GPR160: variants seen among roughly 807,000 people sequenced by gnomAD.
The protein encoded by GPR160 is probable G protein-coupled receptor 160.
In GPR160, 2 loss-of-function variants were observed where a neutral mutation model predicts 2.6. The observed-to-expected ratio is 0.77, with a 90% CI of 0.32 to 2.44. GPR160 has a LOEUF of 2.44. GPR160 is among the 30% of genes most tolerant of loss of function. The pLI, the probability that GPR160 is intolerant of heterozygous loss-of-function variation, is 0.11. For missense variants in GPR160, 351 were observed against 383.6 expected, an observed-to-expected ratio of 0.91 and a Z score of 0.71; for synonymous variants, 130 against 132.2, an observed-to-expected ratio of 0.98 and a Z score of 0.12.
At chr3:170,053,759 CCAT>C (rs1711510116) in intron 2 of GPR160, among the ~76,000 whole-genome samples, 1 of 152,120 alleles carries the variant, frequency 6.6e-6, no homozygotes, top group Non-Finnish European at 1.5e-5. Context: ...GTTGAGGAAA[CCAT>C]CAGTTTCCTA....
At chr3:170,048,589 G>T (rs959019085) in intron 2 of GPR160, among the ~76,000 whole-genome samples, 2 of 152,024 alleles carry the variant, frequency 1.3e-5, no homozygotes, top group African/African-American at 4.8e-5. Context: ...ATAAACCTTG[G>T]ATCCCATTTC....
rs1353464934 is a variant in GPR160 at position 170,084,146 on chromosome 3, T to C, written c.174T>C (p.Phe58=). The C allele has an allele frequency of 4.4e-6, 7 of 1,592,528 alleles. No individual in the cohort carries two copies. Among genetic ancestry groups the C allele is most frequent in the Middle Eastern group, 1.7e-4 (1 of 5,954 alleles). ...CCTGTCAAAATTTTATGGAATATTT[T>C]TGCATTTCACTAGCATTCGTTGATC... ...KNTCQNFMEY[F]CISLAFVDLL... is the part of the protein sequence containing the mutation. Residue 58 remains phenylalanine (F), a synonymous_variant, in exon 4 of 4, where the codon TTT becomes TTC. Transcript: ENST00000355897.
At chr3:170,048,963 A>G (rs1416551800) in intron 2 of GPR160, among the ~76,000 whole-genome samples, 1 of 152,102 alleles carries the variant, frequency 6.6e-6, no homozygotes, top group Non-Finnish European at 1.5e-5. Context: ...CCCTGAGGCC[A>G]CCACCTTACC....
At chr3:170,074,761 G>GCT (rs1712771855) in intron 2 of GPR160, among the ~76,000 whole-genome samples, 1 of 152,056 alleles carries the variant, frequency 6.6e-6, no homozygotes, top group East Asian at 1.9e-4. Context: ...GGGATTACAG[G>GCT]CATGAGCCAC....
rs1021190115 is a variant in GPR160 at position 170,079,121 on chromosome 3, C to T, written c.-192-653C>T. The stretch of plus-strand genomic sequence containing the variant: ...ACAGACTGTGTTTGCTCCAGGCTTT[C>T]GGCATTATGTCTGTACTGAATAAAA... On this transcript the variant is annotated intron_variant, in intron 2 of 3. Transcript: ENST00000355897. 5.3e-5 allele frequency among the ~76,000 whole-genome samples: 8 copies of T among 152,194 alleles called. 1 individual carries two copies. In the South Asian group the frequency reaches 8.3e-4, roughly 16 times the overall value.
chr3:170,063,047 G>C (rs1482994469), intron 2 of GPR160: 1 of 175,136 alleles, frequency 5.7e-6, no homozygotes, highest in East Asian at 1.7e-4. Flanking sequence ...GGAGACTCCA[G>C]CTCAAAATAA....
At chr3:170,054,786 G>T (rs1236355753) in intron 2 of GPR160, among the ~76,000 whole-genome samples, 1 of 150,442 alleles carries the variant, frequency 6.6e-6, no homozygotes, top group African/African-American at 2.5e-5. Context: ...GCATGTATCA[G>T]AATTTCTTTT....
intron 2 of GPR160, among the ~76,000 whole-genome samples, chr3:170,039,715 A>G (rs1367538354): frequency 3.3e-5 from 5 of 152,234 alleles, no homozygotes; most frequent in Non-Finnish European, 5.9e-5. Context: ...TCTCAAAATA[A>G]ATAAATAAAT....
intron 2 of GPR160, among the ~76,000 whole-genome samples, chr3:170,039,810 G>A (rs1437478321): frequency 1.3e-5 from 2 of 152,148 alleles, no homozygotes; most frequent in African/African-American, 4.8e-5. Context: ...TTTTGGTAAC[G>A]GTATCCTGAT....
intron 2 of GPR160, among the ~76,000 whole-genome samples, chr3:170,051,138 T>C (rs1716939753): frequency 6.6e-6 from 1 of 152,244 alleles, no homozygotes; most frequent in Non-Finnish European, 1.5e-5. Context: ...TAGTCGTTCT[T>C]ATTATAGATA....
intron 2 of GPR160, among the ~76,000 whole-genome samples, chr3:170,059,030 A>AAC (rs10542909): frequency 0.037 from 5,457 of 148,854 alleles, 199 homozygotes; most frequent in African/African-American, 0.093. Flanking sequence ...CACATGCACA[A>AAC]ACACACACAC....
intron 2 of GPR160, among the ~76,000 whole-genome samples, chr3:170,050,796 T>A (rs1447226428): frequency 2.0e-5 from 3 of 152,242 alleles, no homozygotes; most frequent in African/African-American, 7.2e-5. Flanking sequence ...TGTTCCTTTG[T>A]ATTGCTGAGT....
chr3:170,069,502 A>T (rs568191332), intron 2 of GPR160, among the ~76,000 whole-genome samples: 115 of 152,288 alleles, frequency 7.6e-4, no homozygotes, highest in African/African-American at 2.7e-3. Context: ...TGCTTGGACC[A>T]CACTTTGTGT....
intron 3 of GPR160, among the ~76,000 whole-genome samples, chr3:170,083,173 G>A (rs926021529): frequency 1.3e-5 from 2 of 151,664 alleles, no homozygotes; most frequent in African/African-American, 2.4e-5. Flanking sequence ...CTTCCAAAAT[G>A]TATGTATCAC....
intron 2 of GPR160, among the ~76,000 whole-genome samples, chr3:170,060,416 G>A (rs1042233916): frequency 6.6e-6 from 1 of 152,100 alleles, no homozygotes; most frequent in Non-Finnish European, 1.5e-5. Context: ...GTTATGCAAC[G>A]GATTGGTCTA....
At chr3:170,054,469 A>G (rs1447914913) in intron 2 of GPR160, among the ~76,000 whole-genome samples, 1 of 152,172 alleles carries the variant, frequency 6.6e-6, no homozygotes, top group African/African-American at 2.4e-5. Flanking sequence ...AGTAAAATAT[A>G]CCTAAAATTT....
At position 170,084,627 on chromosome 3, in the gene GPR160, GA is replaced by G. The variant is rs778858743; in HGVS notation, c.658del (p.Thr220LeufsTer15). 4.3e-6 allele frequency: 7 copies of G among 1,611,622 alleles called. No homozygotes were observed. In the South Asian group the frequency reaches 7.7e-5, roughly 18 times the overall value. On this transcript the variant is annotated frameshift_variant, in exon 4 of 4. Coordinates refer to ENST00000355897, the MANE Select transcript of GPR160 (RefSeq NM_014373.3). LOFTEE classifies it low-confidence loss of function (END_TRUNC). ...TATCAGGATAACTTCCTATATGAAT[GA>G]AACTATCTTATATTTTCCTTTTTCA... ...QAIRITSYMN[E>X]TILYFPFSSH... is the part of the protein sequence containing the mutation.
intron 2 of GPR160, among the ~76,000 whole-genome samples, chr3:170,040,445 G>A (rs151167008): frequency 3.3e-5 from 5 of 152,314 alleles, no homozygotes; most frequent in Admixed American, 6.5e-5. Flanking sequence ...TACTGGAGGT[G>A]CCGATTTATT....
At chr3:170,083,772 T>G in intron 3 of GPR160, 133 bp from the exon 4 acceptor site, 1 of 407,522 alleles carries the variant, frequency 2.5e-6, no homozygotes, top group Admixed American at 4.2e-5. Context: ...TATTAAGTAT[T>G]ATGTGACATA....
Sources: allele counts gnomAD v4.1 joint callset (sites outside exome capture counted in the v4.1 genomes callset), GRCh38; gene constraint gnomAD v4.1.1; transcripts MANE v1.5; gene names NCBI Gene and HGNC (gene_info 2026-07-23, HGNC 2026-07-21).